Variants in CDIP1 observed in about 807,000 individuals in gnomAD.
The protein encoded by CDIP1 is cell death-inducing p53-target protein 1.
A neutral mutation model predicts 17.7 loss-of-function variants in CDIP1; 9 were observed. That is an observed-to-expected ratio of 0.51 (90% confidence interval 0.31 to 0.89). The LOEUF (loss-of-function observed/expected upper bound fraction) is 0.89, where lower values mean the gene tolerates loss of function less well. Among genes scored for constraint, CDIP1 ranks in the 40% least tolerant of loss-of-function variants. The probability of loss-of-function intolerance (pLI) is 0.05; values close to 1 mark genes in which losing one functional copy is unlikely to be tolerated. For missense variants in CDIP1, 263 were observed against 277.9 expected, an observed-to-expected ratio of 0.95 and a Z score of 0.38; for synonymous variants, 117 against 109.5, an observed-to-expected ratio of 1.07 and a Z score of -0.43.
Position 4,511,816 on chromosome 16 carries a change from G to C in CDIP1, c.*756C>G, listed in dbSNP as rs1039277355. 2 of 152,700 alleles carry C rather than the reference G, an allele frequency of 1.3e-5. No individual in the cohort carries two copies. The highest frequency in any genetic ancestry group is 4.8e-5 in the African/African-American group (2 of 41,422). The allele number at this position is 152,700 out of a possible 1,614,324, so 9.5% of individuals were successfully genotyped here. A position where few individuals can be genotyped will look rare whatever the true frequency, so the allele number is the denominator to read the frequency against. Reference sequence around the variant, plus strand: ...GCTCCTTCCGGCCCCAGCAATACAGGGTTCACAGAGGCATGGCCTGAAAGG... The same window carrying C: ...GCTCCTTCCGGCCCCAGCAATACAGCGTTCACAGAGGCATGGCCTGAAAGG... On this transcript the variant is annotated 3_prime_UTR_variant, in exon 6 of 6. Transcript: ENST00000567695.
chr16:4,538,585 G>A (rs1407545993), intron 1 of CDIP1, 117 bp downstream of exon 1: 3 of 152,460 alleles, frequency 2.0e-5, no homozygotes, highest in East Asian at 1.9e-4. Flanking sequence ...GGGGCGGGGA[G>A]GGGGCGCCAC....
rs1355979249 is a variant in CDIP1 at position 4,511,385 on chromosome 16, C to G, written c.*1187G>C. The G allele has an allele frequency of 6.5e-6, 1 of 152,796 alleles. No individual in the cohort carries two copies. The highest frequency in any genetic ancestry group is 1.5e-5 in the Non-Finnish European group (1 of 68,148). The allele number at this position is 152,796 out of a possible 1,614,324, so 9.5% of individuals were successfully genotyped here. A position where few individuals can be genotyped will look rare whatever the true frequency, so the allele number is the denominator to read the frequency against. On this transcript the variant is annotated 3_prime_UTR_variant, in exon 6 of 6. Transcript: ENST00000567695. ...CAAACTGAGACTGGGCCACGATTCA[C>G]AGTGACAGGAGGCCATGCAGTGGCA... is the stretch of plus-strand genomic sequence containing the variant.
intron 1 of CDIP1, 137 bp downstream of exon 1, chr16:4,538,559 CCAGGCG>C (rs1190630372): frequency 1.3e-5 from 2 of 152,472 alleles, no homozygotes; most frequent in Non-Finnish European, 2.9e-5. Flanking sequence ...CATGCACCGC[CCAGGCG>C]CCGCGGGCGG....
chr16:4,519,330 G>A (rs11076836), intron 1 of CDIP1, among the ~76,000 whole-genome samples: 82,818 of 152,106 alleles, frequency 0.54, 25,893 homozygotes, highest in Non-Finnish European at 0.7. Flanking sequence ...CCAGGTGGAC[G>A]TCTTCTAGTG....
At chr16:4,521,856 G>A (rs1037384106) in intron 1 of CDIP1, among the ~76,000 whole-genome samples, 14 of 152,124 alleles carry the variant, frequency 9.2e-5, no homozygotes, top group Non-Finnish European at 1.6e-4. Flanking sequence ...CTCAGGGTGG[G>A]AGTGAGGTTG....
At chr16:4,525,871 T>A (rs2058994645) in intron 1 of CDIP1, among the ~76,000 whole-genome samples, 1 of 152,208 alleles carries the variant, frequency 6.6e-6, no homozygotes, top group Non-Finnish European at 1.5e-5. Context: ...ATTGTCCTGA[T>A]GGAGGCAGGA....
chr16:4,518,414 G>A (rs2058910210), intron 1 of CDIP1, among the ~76,000 whole-genome samples: 1 of 152,186 alleles, frequency 6.6e-6, no homozygotes, highest in Non-Finnish European at 1.5e-5. Flanking sequence ...ACCTGCACAG[G>A]GCTGGCTTCC....
intron 1 of CDIP1, among the ~76,000 whole-genome samples, chr16:4,521,700 T>TA (rs111828421): frequency 0.094 from 8,537 of 90,370 alleles, 672 homozygotes; most frequent in African/African-American, 0.21. Context: ...TCATCAATAT[T>TA]AAAAAAAAAA....
chr16:4,536,285 T>G (rs1220629198), intron 1 of CDIP1, among the ~76,000 whole-genome samples: 1 of 152,198 alleles, frequency 6.6e-6, no homozygotes, highest in African/African-American at 2.4e-5. Flanking sequence ...GGGCTGGTGT[T>G]TGTGGCTAAG....
chr16:4,521,575 G>T (rs144342933), intron 1 of CDIP1, among the ~76,000 whole-genome samples: 2 of 152,150 alleles, frequency 1.3e-5, no homozygotes, highest in East Asian at 3.9e-4. Flanking sequence ...AAGAACATGG[G>T]CTCTGGGCCA....
intron 1 of CDIP1, chr16:4,524,425 T>G (rs1298319805): frequency 1.3e-5 from 2 of 152,250 alleles, no homozygotes; most frequent in Non-Finnish European, 2.9e-5. Flanking sequence ...AATACAGAAC[T>G]CCACTTTCAC....
Position 4,512,813 on chromosome 16 carries a change from C to G in CDIP1, c.493G>C (p.Gly165Arg). Residue 165 changes from glycine to arginine, a missense_variant, in exon 5 of 6, where the codon GGT (glycine) becomes CGT (arginine). By Grantham distance (125) the Gly-to-Arg change is moderately radical. Transcript: ENST00000567695. The surrounding 1 kb of genome is among the most constrained non-coding windows in gnomAD (Gnocchi z 4.6). The part of the protein sequence containing the change: ...YEIGLMNFVL[G>R]FFCCFMGCDL... The stretch of plus-strand genomic sequence containing the variant: ...TACCCCATGAAGCAACAGAAGAAAC[C>G]CAGCACGAAATTCATCAAGCCAATC... The G allele has an allele frequency of 1.9e-6, 3 of 1,569,484 alleles. No homozygotes were observed. The highest frequency in any genetic ancestry group is 1.7e-6 in the Non-Finnish European group (2 of 1,156,920).
rs746271894 is a variant in CDIP1, at chr16:4,514,131, C to A, written c.-1G>T. On this transcript the variant is annotated 5_prime_UTR_variant, in exon 3 of 6. Coordinates refer to ENST00000567695, the MANE Select transcript of CDIP1 (RefSeq NM_013399.3). The surrounding 1 kb of genome is among the most constrained non-coding windows in gnomAD (Gnocchi z 5.2). ...AAGGAGGGGGAGGCTCGCTGGACAT[C>A]TTCGCTGCTTCTCCTGGACATGGAG... 9 of 1,536,906 alleles carry A rather than the reference C, an allele frequency of 5.9e-6. No individual in the cohort carries two copies. The highest frequency in any genetic ancestry group is 7.0e-6 in the Non-Finnish European group (8 of 1,149,958).
At chr16:4,533,331 C>T (rs988844587) in intron 1 of CDIP1, 4 of 152,284 alleles carry the variant, frequency 2.6e-5, no homozygotes, top group African/African-American at 7.2e-5. Context: ...ACCCATAGCT[C>T]CTGCAGGGCA....
intron 1 of CDIP1, among the ~76,000 whole-genome samples, chr16:4,524,957 C>G (rs534028849): frequency 7.2e-5 from 11 of 152,122 alleles, no homozygotes; most frequent in African/African-American, 2.7e-4. Flanking sequence ...TAAAATTAGC[C>G]AGGTATGGTG....
At position 4,517,774 on chromosome 16, in the gene CDIP1, TAGCAGCAG is replaced by T. The variant is rs540483483; in HGVS notation, c.-104-3118_-104-3111del. Among the ~76,000 whole-genome samples, 269 of 147,638 alleles carry T rather than the reference TAGCAGCAG, an allele frequency of 1.8e-3. 1 individual carries two copies. Among genetic ancestry groups the T allele is most frequent in the African/African-American group, 6.4e-3 (258 of 40,296 alleles). On this transcript the variant is annotated intron_variant, in intron 1 of 5. Coordinates refer to ENST00000567695, the MANE Select transcript of CDIP1 (RefSeq NM_013399.3). ...AAAAAAAAAAAAACAGAACAGGGAG[TAGCAGCAG>T]TGCCTCTTGGGGCTGGTCCTGGGGT...
chr16:4,519,493 T>G (rs1003896371), intron 1 of CDIP1, among the ~76,000 whole-genome samples: 8 of 152,218 alleles, frequency 5.3e-5, no homozygotes, highest in African/African-American at 1.9e-4. Flanking sequence ...GGATTCCTTG[T>G]AAGAGGATTA....
chr16:4,516,909 C>T (rs765897175), intron 1 of CDIP1, among the ~76,000 whole-genome samples: 1 of 151,918 alleles, frequency 6.6e-6, no homozygotes, highest in Non-Finnish European at 1.5e-5. Context: ...GGGATTTCAC[C>T]ACATTGACCA....
chr16:4,516,199 G>A (rs1035018709), intron 1 of CDIP1, among the ~76,000 whole-genome samples: 2 of 152,162 alleles, frequency 1.3e-5, no homozygotes, highest in Non-Finnish European at 2.9e-5. Context: ...TCACTTATAT[G>A]AAATGTCCCC....
Sources: allele counts gnomAD v4.1 joint callset (sites outside exome capture counted in the v4.1 genomes callset), GRCh38; gene constraint gnomAD v4.1.1; non-coding constraint Gnocchi (gnomAD v3.1); transcripts MANE v1.5; gene names NCBI Gene and HGNC (gene_info 2026-07-23, HGNC 2026-07-21).